COL5A3: variants seen among roughly 807,000 people sequenced by gnomAD.
The protein encoded by COL5A3 is collagen type V alpha 3 chain, also known as collagen alpha-3(V) chain.
In COL5A3, 172 loss-of-function variants were observed where a neutral mutation model predicts 250.0. That is an observed-to-expected ratio of 0.69 (90% CI 0.61 to 0.78). COL5A3 has a LOEUF of 0.78. Among genes scored for constraint, COL5A3 ranks in the 30% least tolerant of loss-of-function variants. The pLI, the probability that COL5A3 is intolerant of heterozygous loss-of-function variation, is 0.00. For synonymous variants in COL5A3, 937 were observed against 900.4 expected (o/e 1.04, Z -0.73); for missense variants, 2,340 against 2,334.4 (o/e 1.00, Z -0.05).
chr19:9,983,671 GAAA>G (rs1222476286), intron 31 of COL5A3, among the ~76,000 whole-genome samples: 3 of 126,974 alleles, frequency 2.4e-5, no homozygotes, highest in African/African-American at 9.2e-5. Flanking sequence ...AAGAAAGAAA[GAAA>G]AAAGAAGAAA....
rs2145045747 is a variant in COL5A3 at position 9,962,897 on chromosome 19, A to T, written c.4783-10T>A. The T allele has an allele frequency of 6.2e-7, 1 of 1,604,958 alleles. No individual in the cohort carries two copies. Among genetic ancestry groups the T allele is most frequent in the South Asian group, 1.1e-5 (1 of 89,534 alleles). ...AGGAGGCCAATTTCACCTGGAAGAG[A>T]AAAGGGAGGGTCACTGTAGCTGACG... On this transcript the variant is annotated splice_polypyrimidine_tract_variant and intron_variant, in intron 64 of 66. Coordinates refer to ENST00000264828, the MANE Select transcript of COL5A3 (RefSeq NM_015719.4).
In COL5A3 at chr19:9,978,618, C is replaced by A; in HGVS notation, c.2974G>T (p.Gly992Cys). Residue 992 changes from glycine (G) to cysteine (C), a missense_variant, in exon 41 of 67, where the codon GGC (glycine) becomes TGC (cysteine). Coordinates refer to ENST00000264828, the MANE Select transcript of COL5A3 (RefSeq NM_015719.4). ...GGGGGGCCCTTATCACCCTTTAAGC[C>A]AGTAGGTCCCTGAAGGAGGAGATAA... ...KGGPGDPGPTGLKGDKGPPGP... is the reference protein window; with the variant it reads ...KGGPGDPGPTCLKGDKGPPGP... 1 of 1,569,352 alleles carries A rather than the reference C, an allele frequency of 6.4e-7. No homozygotes were observed. Among genetic ancestry groups the A allele is most frequent in the Non-Finnish European group, 8.6e-7 (1 of 1,159,824 alleles).
intron 30 of COL5A3, 138 bp from the exon 31 acceptor site, chr19:9,986,033 C>A: frequency 5.2e-6 from 4 of 774,212 alleles, no homozygotes; most frequent in African/African-American, 1.7e-5. Flanking sequence ...TTGCTCCTGC[C>A]TGCTAGGGGC....
At chr19:9,985,949 C>T (rs1157612309) in intron 30 of COL5A3, 54 bp from the exon 31 acceptor site, 34 of 1,555,158 alleles carry the variant, frequency 2.2e-5, no homozygotes, top group Admixed American at 1.3e-4. Flanking sequence ...AGGTCAGAGG[C>T]GGAAAGGTCA....
intron 8 of COL5A3, 138 bp from the exon 9 acceptor site, chr19:9,998,287 T>C (rs979172243): frequency 3.5e-6 from 3 of 857,762 alleles, no homozygotes; most frequent in Non-Finnish European, 5.4e-6. Context: ...CCTTCTCCTC[T>C]ACTGTAACCA....
chr19:9,969,475 A>AC, intron 56 of COL5A3, 73 bp from the exon 57 acceptor site: 2 of 1,584,516 alleles, frequency 1.3e-6, no homozygotes, highest in South Asian at 2.3e-5. Context: ...CCGACCATGC[A>AC]CCAGGGGCAG....
rs1290020922 is a variant in COL5A3, at chr19:9,969,127, T to C, written c.4152+222A>G. ...AGCAGGGGGTTATAGAGATGGGCAG[T>C]GTAGATCATCAAGGTGGAGTGTTAG... On this transcript the variant is annotated intron_variant, in intron 57 of 66. Coordinates refer to ENST00000264828, the MANE Select transcript of COL5A3 (RefSeq NM_015719.4). 4.6e-5 allele frequency among the ~76,000 whole-genome samples: 7 copies of C among 151,838 alleles called. No individual in the cohort carries two copies. The East Asian group carries it at 1.4e-3, about 29-fold the overall frequency.
Position 9,971,072 on chromosome 19 carries a change from G to A in COL5A3, c.3829-44C>T, listed in dbSNP as rs1464533462. 12 of 1,480,530 alleles carry A rather than the reference G, an allele frequency of 8.1e-6. No homozygotes were observed. The East Asian group carries it at 1.0e-4, about 12-fold the overall frequency. The allele number at this position is 1,480,530 out of a possible 1,614,324, so 91.7% of individuals were successfully genotyped here. On this transcript the variant is annotated intron_variant, in intron 52 of 66. Coordinates refer to ENST00000264828, the MANE Select transcript of COL5A3 (RefSeq NM_015719.4). ...GAGTTGGGAGGGGTGATGAGGGTAC[G>A]TGAGAATTTGGGATGGGGCTGGGAG...
chr19:10,010,174 C>T, intron 1 of COL5A3, 124 bp downstream of exon 1: 1 of 631,954 alleles, frequency 1.6e-6, no homozygotes, highest in Non-Finnish European at 2.3e-6. Context: ...CCACATCACA[C>T]CGGGGCCGCA....
chr19:10,003,485 G>A (rs1024418353), intron 6 of COL5A3, 80 bp downstream of exon 6: 1 of 1,397,992 alleles, frequency 7.2e-7, no homozygotes. Flanking sequence ...TAGAAGTCAA[G>A]CACCAAGACC....
At chr19:10,004,020 G>A (rs780698065) in intron 5 of COL5A3, 21 bp downstream of exon 5, 2 of 1,566,452 alleles carry the variant, frequency 1.3e-6, no homozygotes, top group South Asian at 1.1e-5. Context: ...GAGATTAGGA[G>A]TCATGGAGTC....
intron 64 of COL5A3, among the ~76,000 whole-genome samples, chr19:9,963,560 TTGG>T (rs1370609275): frequency 1.1e-3 from 60 of 55,242 alleles, no homozygotes; most frequent in East Asian, 1.8e-3. Flanking sequence ...CCTGTTTTTT[TTGG>T]GGGGGGGGGC....
Position 9,967,822 on chromosome 19 carries a change from G to A in COL5A3, c.4404+82C>T, listed in dbSNP as rs2086775848. 5 of 1,356,654 alleles carry A rather than the reference G, an allele frequency of 3.7e-6. No homozygotes were observed. The South Asian group carries it at 5.3e-5, about 14-fold the overall frequency. 84.0% of individuals were successfully genotyped at this position (1,356,654 alleles called of 1,614,324 possible). ...TTGCATGAATAAATAAATAAATGAA[G>A]GCAGAGACGTGGAGGGTTCTGGTGC... On this transcript the variant is annotated intron_variant, in intron 61 of 66. Coordinates refer to ENST00000264828, the MANE Select transcript of COL5A3 (RefSeq NM_015719.4).
At chr19:10,004,203 T>C in intron 4 of COL5A3, 58 bp from the exon 5 acceptor site, 1 of 1,326,396 alleles carries the variant, frequency 7.5e-7, no homozygotes, top group Non-Finnish European at 1.1e-6. Context: ...AGGCTTACTC[T>C]GACCCCCTAA....
In COL5A3 at chr19:10,010,426, C is replaced by A; in HGVS notation, c.-41G>T. 1.5e-6 allele frequency: 2 copies of A among 1,291,034 alleles called. No individual in the cohort carries two copies. The highest frequency in any genetic ancestry group is 2.2e-5 in the South Asian group (1 of 45,994). 80.0% of individuals were successfully genotyped at this position (1,291,034 alleles called of 1,614,324 possible). A position where few individuals can be genotyped will look rare whatever the true frequency, so the allele number is the denominator to read the frequency against. ...GGGCAAGGCGGGGAACCAGTCGGGG[C>A]GGCTGCGGGGCGCGGCGACTTCTCG... On this transcript the variant is annotated 5_prime_UTR_variant, in exon 1 of 67. Coordinates refer to ENST00000264828, the MANE Select transcript of COL5A3 (RefSeq NM_015719.4).
chr19:9,992,909 C>T (rs1368156730), intron 20 of COL5A3, 29 bp from the exon 21 acceptor site: 2 of 1,612,770 alleles, frequency 1.2e-6, no homozygotes, highest in African/African-American at 1.3e-5. Context: ...ATTATTTCCA[C>T]ATCACCTCTG....
rs756250807 is a variant in COL5A3 at position 9,969,667 on chromosome 19, C to T, written c.4006G>A (p.Asp1336Asn). 1 of 1,587,634 alleles carries T rather than the reference C, an allele frequency of 6.3e-7. No individual in the cohort carries two copies. Among genetic ancestry groups the T allele is most frequent in the Non-Finnish European group, 8.5e-7 (1 of 1,172,918 alleles). ...GGACCCGTCCTCCCTGGGGGCCCAT[C>T]AGGACCTGGCTCCCCCTGAAATGGA... Reference protein sequence around the residue: ...EKGAKGEPGPDGPPGRTGPMG... With the variant: ...EKGAKGEPGPNGPPGRTGPMG... Residue 1336 changes from aspartate to asparagine, a missense_variant, in exon 56 of 67, where the codon GAT becomes AAT. Around this residue, in one of 3 missense-constraint regions of COL5A3, gnomAD observed 1,179 missense variants for 1,162.6 expected, o/e 1.01. Coordinates refer to ENST00000264828, the MANE Select transcript of COL5A3 (RefSeq NM_015719.4).
chr19:9,993,019 T>C lies in COL5A3; in HGVS notation c.1794+4A>G. 6.2e-7 allele frequency: 1 copy of C among 1,613,496 alleles called. No homozygotes were observed. The highest frequency in any genetic ancestry group is 1.1e-5 in the South Asian group (1 of 91,026). On this transcript the variant is annotated splice_donor_region_variant and intron_variant, in intron 20 of 66. Transcript: ENST00000264828. ...CAAGGGGCCCAGGGATCCCTGATAC[T>C]CACCGGCTCCCCAGCCTGGCCAGTG...
At chr19:10,001,358 G>C (rs959278422) in intron 8 of COL5A3, among the ~76,000 whole-genome samples, 166 bp downstream of exon 8, 3 of 152,096 alleles carry the variant, frequency 2.0e-5, no homozygotes, top group South Asian at 4.1e-4. Context: ...CGTTGGTCAG[G>C]CTAGTCTCAA....
Sources: gnomAD v4.1 joint callset for allele counts (sites outside exome capture counted in the v4.1 genomes callset) on GRCh38, gnomAD v4.1.1 for gene constraint, gnomAD v4.1.1 regional missense constraint, MANE v1.5 for transcripts, NCBI Gene and HGNC (gene_info 2026-07-23, HGNC 2026-07-21) for gene names.